The following MLLT3 variants were observed in gnomAD, a reference collection of about 807,000 sequenced individuals.
The protein encoded by MLLT3 is MLLT3 super elongation complex subunit.
Under a neutral mutation model 53.2 loss-of-function variants are expected in MLLT3, and 4 were observed. The observed-to-expected ratio is 0.08, with a 90% CI of 0.04 to 0.17. MLLT3 has a LOEUF of 0.17. Ranked by LOEUF, MLLT3 falls within the 10% of genes least tolerant of loss-of-function variation. MLLT3 has a pLI of 1.00. For synonymous variants in MLLT3, 283 were observed against 230.6 expected (o/e 1.23, Z -2.06); for missense variants, 569 against 684.0 (o/e 0.83, Z 1.87).
intron 1 of MLLT3, 180 bp downstream of exon 1, chr9:20,622,065 C>CGGGGG (rs71334542): frequency 3.4e-5 from 2 of 58,862 alleles, no homozygotes; most frequent in South Asian, 6.5e-4. Context: ...GTGTGCGCGC[C>CGGGGG]GGGGGGGGGT....
chr9:20,621,023 G>T lies in MLLT3; in HGVS notation c.13-189C>A. 1 of 734,200 alleles carries T rather than the reference G, an allele frequency of 1.4e-6. No homozygotes were observed. Among genetic ancestry groups the T allele is most frequent in the Non-Finnish European group, 2.4e-6 (1 of 419,250 alleles). 45.5% of individuals were successfully genotyped at this position (734,200 alleles called of 1,614,324 possible). On this transcript the variant is annotated intron_variant, in intron 1 of 10. Transcript: ENST00000380338. The surrounding 1 kb of genome is among the most constrained non-coding windows in gnomAD (Gnocchi z 7.0). ...CACCCCCAAATATACCCGCCCGCCC[G>T]GCCCGGCTTGGCCCCAGGCGCCCCG...
chr9:20,499,767 T>C (rs950588655), intron 2 of MLLT3, among the ~76,000 whole-genome samples: 3 of 152,188 alleles, frequency 2.0e-5, no homozygotes, highest in African/African-American at 7.2e-5. Context: ...ATCTCTATTG[T>C]TCTGTCTCCA....
chr9:20,622,148 G>T, intron 1 of MLLT3, 97 bp downstream of exon 1: 1 of 1,362,940 alleles, frequency 7.3e-7, no homozygotes, highest in Non-Finnish European at 1.0e-6. Context: ...TTCTCTAATT[G>T]GAACCGCGGA....
At chr9:20,611,184 T>A (rs1042012225) in intron 2 of MLLT3, among the ~76,000 whole-genome samples, 2 of 152,102 alleles carry the variant, frequency 1.3e-5, no homozygotes, top group African/African-American at 4.8e-5. Flanking sequence ...GTTTATCAAA[T>A]GAATAGATAC....
chr9:20,359,963 T>C (rs1471592713), intron 8 of MLLT3, among the ~76,000 whole-genome samples: 4 of 152,174 alleles, frequency 2.6e-5, no homozygotes, highest in African/African-American at 9.6e-5. Context: ...GTAAAGAAAA[T>C]ATCCCGATTT....
chr9:20,445,256 G>C (rs1240862580), intron 4 of MLLT3, among the ~76,000 whole-genome samples: 1 of 152,072 alleles, frequency 6.6e-6, no homozygotes, highest in Non-Finnish European at 1.5e-5. Context: ...ATCTAAATGT[G>C]CCCTGCCCAC....
At chr9:20,544,828 T>C (rs1432250318) in intron 2 of MLLT3, among the ~76,000 whole-genome samples, 1 of 152,186 alleles carries the variant, frequency 6.6e-6, no homozygotes, top group East Asian at 1.9e-4. Context: ...CTTATGCCTA[T>C]AATCCCACCA....
intron 2 of MLLT3, among the ~76,000 whole-genome samples, chr9:20,466,315 C>T (rs1403707864): frequency 6.6e-6 from 1 of 152,026 alleles, no homozygotes; most frequent in Non-Finnish European, 1.5e-5. Flanking sequence ...TTTGGATTTC[C>T]GATTTTCAAG....
intron 2 of MLLT3, among the ~76,000 whole-genome samples, chr9:20,609,289 C>A (rs1820643140): frequency 6.6e-6 from 1 of 152,020 alleles, no homozygotes. Flanking sequence ...CTTTTCAAAA[C>A]AACTTCAATT....
intron 2 of MLLT3, among the ~76,000 whole-genome samples, chr9:20,573,968 G>A (rs2131166906): frequency 6.6e-6 from 1 of 152,260 alleles, no homozygotes; most frequent in South Asian, 2.1e-4. Flanking sequence ...AGAAAGTATA[G>A]AAATAGAAGA....
chr9:20,362,010 C>T (rs1158101060), intron 7 of MLLT3, among the ~76,000 whole-genome samples: 1 of 152,218 alleles, frequency 6.6e-6, no homozygotes, highest in African/African-American at 2.4e-5. Flanking sequence ...AACTAAATTA[C>T]ATTAATGAAG....
intron 2 of MLLT3, among the ~76,000 whole-genome samples, chr9:20,522,908 G>C (rs1001932151): frequency 1.3e-5 from 2 of 152,040 alleles, no homozygotes; most frequent in Non-Finnish European, 2.9e-5. Context: ...GCTTCAGTGA[G>C]ACGTGATTGT....
At chr9:20,542,507 C>T (rs1435065411) in intron 2 of MLLT3, among the ~76,000 whole-genome samples, 1 of 152,162 alleles carries the variant, frequency 6.6e-6, no homozygotes, top group Non-Finnish European at 1.5e-5. Context: ...GCCTCGGCCT[C>T]CCAAAGTGCT....
chr9:20,402,261 C>G (rs982965165), intron 5 of MLLT3, among the ~76,000 whole-genome samples: 15 of 152,144 alleles, frequency 9.9e-5, no homozygotes, highest in African/African-American at 3.6e-4. Context: ...GTTTTAAGAA[C>G]AGTTTCAAGA....
rs773478235 is a variant in MLLT3 at position 20,620,611 on chromosome 9, C to T, written c.193+43G>A. The stretch of plus-strand genomic sequence containing the variant: ...GACCGCCCGGGCCAAGCGATTGTTT[C>T]AAAGACATTTTTTATCAAGACCCTT... On this transcript the variant is annotated intron_variant, in intron 2 of 10. Transcript: ENST00000380338. This position sits in a 1 kb window ranked among gnomAD's most constrained non-coding sequence, Gnocchi z 6.1. 1 of 1,581,972 alleles carries T rather than the reference C, an allele frequency of 6.3e-7. No individual in the cohort carries two copies. Among genetic ancestry groups the T allele is most frequent in the Non-Finnish European group, 8.6e-7 (1 of 1,157,734 alleles).
intron 8 of MLLT3, among the ~76,000 whole-genome samples, chr9:20,359,465 G>C (rs1012697456): frequency 6.6e-5 from 10 of 152,208 alleles, no homozygotes; most frequent in African/African-American, 1.9e-4. Context: ...ATCTATAAGA[G>C]ATAATGAGGC....
chr9:20,514,933 G>A (rs1006932676), intron 2 of MLLT3, among the ~76,000 whole-genome samples: 6 of 145,888 alleles, frequency 4.1e-5, no homozygotes, highest in Admixed American at 2.9e-4. Context: ...TTACCTTGAA[G>A]GAACAATTTT....
chr9:20,345,465 G>GTT lies in MLLT3; in HGVS notation c.*976_*977dup, dbSNP rs35087066. Reference sequence around the variant, plus strand: ...ATCCAAATTAAGAATTTCTACAACAGTTTTTTTTTTTAGAAAACAGGACCA... The same window carrying GTT: ...ATCCAAATTAAGAATTTCTACAACAGTTTTTTTTTTTTTAGAAAACAGGACCA... On this transcript the variant is annotated 3_prime_UTR_variant, in exon 11 of 11. Transcript: ENST00000380338. 0.013 allele frequency: 2,447 copies of GTT among 187,042 alleles called. No individual in the cohort carries two copies. The highest frequency in any genetic ancestry group is 0.12 in the East Asian group (1,201 of 10,322). 11.6% of individuals were successfully genotyped at this position (187,042 alleles called of 1,614,324 possible). A position where few individuals can be genotyped will look rare whatever the true frequency, so the allele number is the denominator to read the frequency against.
At chr9:20,385,181 T>C (rs2118706681) in intron 5 of MLLT3, among the ~76,000 whole-genome samples, 1 of 152,284 alleles carries the variant, frequency 6.6e-6, no homozygotes, top group South Asian at 2.1e-4. Context: ...TCTATTTAAA[T>C]ATCGGTAAGA....
Sources: allele counts gnomAD v4.1 joint callset (sites outside exome capture counted in the v4.1 genomes callset), GRCh38; gene constraint gnomAD v4.1.1; non-coding constraint Gnocchi (gnomAD v3.1); transcripts MANE v1.5; gene names NCBI Gene and HGNC (gene_info 2026-07-23, HGNC 2026-07-21).